The following KIF25 variants were observed in gnomAD, a reference collection of about 807,000 sequenced individuals.
KIF25 encodes kinesin family member 25.
Under a neutral mutation model 32.9 loss-of-function variants are expected in KIF25, and 19 were observed. The ratio of observed to expected loss-of-function variants is 0.58; its 90% CI spans 0.40 to 0.85. KIF25 has a LOEUF of 0.85. KIF25 is among the 40% of genes least tolerant of loss of function. KIF25 has a pLI of 0.00. For missense variants in KIF25, 485 were observed against 507.0 expected (o/e 0.96, Z 0.42); for synonymous variants, 225 against 213.7 (o/e 1.05, Z -0.46).
chr6:168,008,953 C>A (rs9346517), intron 4 of KIF25, among the ~76,000 whole-genome samples: 8 of 151,990 alleles, frequency 5.3e-5, no homozygotes, highest in Non-Finnish European at 1.0e-4. Flanking sequence ...CCGAAGTTGT[C>A]GATCAGTTCT....
In KIF25 at chr6:168,033,978, TG is replaced by T; in HGVS notation, c.265del (p.Asp89ThrfsTer6). On this transcript the variant is annotated frameshift_variant, in exon 8 of 13. Transcript: ENST00000643607. LOFTEE classifies it high-confidence loss of function. ...CGGACGACGGCCCTGTTCTGCCGCT[TG>T]ACCCACAGAGTGACTTAGGAATTAT... ...HSDDGPVLPLDPQSDLGIIPR... is the reference protein window; with the variant it reads ...HSDDGPVLPLXPQSDLGIIPR... The T allele has an allele frequency of 6.2e-7, 1 of 1,614,184 alleles. No homozygotes were observed. The highest frequency in any genetic ancestry group is 8.5e-7 in the Non-Finnish European group (1 of 1,180,038).
rs375150274 is a variant in KIF25, at chr6:167,999,269, G to C, written c.-421G>C. 1 of 152,252 alleles carries C rather than the reference G, an allele frequency of 6.6e-6. No homozygotes were observed. The highest frequency in any genetic ancestry group is 1.5e-5 in the Non-Finnish European group (1 of 68,064). 9.4% of individuals were successfully genotyped at this position (152,252 alleles called of 1,614,324 possible). On this transcript the variant is annotated 5_prime_UTR_variant, in exon 2 of 13. Transcript: ENST00000643607. ...AATATCAGAGTTCACTGTCGGATTC[G>C]TCCTTTGTTGCCTTTTGATAGTGAA...
intron 4 of KIF25, among the ~76,000 whole-genome samples, chr6:168,005,042 G>A (rs1212291868): frequency 6.6e-6 from 1 of 152,200 alleles, no homozygotes; most frequent in African/African-American, 2.4e-5. Context: ...ACAGTAGAAT[G>A]AGACGTGTCA....
chr6:168,042,201 T>C (rs1799134605), intron 11 of KIF25, 50 bp downstream of exon 11: 2 of 1,512,342 alleles, frequency 1.3e-6, no homozygotes, highest in Non-Finnish European at 1.8e-6. Context: ...CAGAAGCCTA[T>C]GATCTGATGG....
chr6:168,033,386 G>C (rs1052803280), intron 7 of KIF25, among the ~76,000 whole-genome samples: 1 of 151,854 alleles, frequency 6.6e-6, no homozygotes, highest in African/African-American at 2.4e-5. Flanking sequence ...TGTGATCCTA[G>C]CTACTTGGGA....
rs1263537038 is a variant in KIF25 at position 167,998,396 on chromosome 6, C to T, written c.-1073C>T. 4 of 152,138 alleles carry T rather than the reference C, an allele frequency of 2.6e-5. No individual in the cohort carries two copies. The highest frequency in any genetic ancestry group is 5.9e-5 in the Non-Finnish European group (4 of 68,030). 9.4% of individuals were successfully genotyped at this position (152,138 alleles called of 1,614,324 possible). On this transcript the variant is annotated 5_prime_UTR_variant, in exon 1 of 13. Coordinates refer to ENST00000643607, the MANE Select transcript of KIF25 (RefSeq NM_030615.4). ...CAGACGGAGGCTGTAAATCATTGGC[C>T]TATGACACCCACTTGGTTTTCAAAA...
At chr6:168,037,439 A>G (rs923877233) in intron 8 of KIF25, among the ~76,000 whole-genome samples, 1 of 152,174 alleles carries the variant, frequency 6.6e-6, no homozygotes, top group Non-Finnish European at 1.5e-5. Flanking sequence ...GAAAAGCACA[A>G]TGCTCACCAT....
chr6:168,037,645 TTCTCTCTCTC>T (rs35282663), intron 8 of KIF25, among the ~76,000 whole-genome samples: 1 of 146,758 alleles, frequency 6.8e-6, no homozygotes, highest in Non-Finnish European at 1.5e-5. Context: ...AAGGTTTTAT[TTCTCTCTCTC>T]TCTCTCTCTC....
At position 168,040,104 on chromosome 6, in the gene KIF25, T is replaced by C. The variant is rs1195816657; in HGVS notation, c.534T>C (p.His178=). The C allele has an allele frequency of 1.9e-6, 3 of 1,613,986 alleles. No homozygotes were observed. The highest frequency in any genetic ancestry group is 2.5e-6 in the Non-Finnish European group (3 of 1,179,958). The change falls in exon 10 of 13, where the codon CAT becomes CAC. Residue 178 remains histidine, a synonymous_variant. Transcript: ENST00000643607. ...CCTCGAAACTGATGGAGCTCGTTCA[T>C]GGAGGTCTGCAGCTCAGGGCGAAGC... The part of the protein sequence containing the change: ...GSASKLMELV[H]GGLQLRAKHP...
intron 5 of KIF25, among the ~76,000 whole-genome samples, chr6:168,023,496 G>C (rs994652322): frequency 1.3e-5 from 2 of 152,096 alleles, no homozygotes; most frequent in African/African-American, 4.8e-5. Flanking sequence ...TTGAACTCCT[G>C]ACCTCAAGTG....
At chr6:168,009,397 T>A (rs9346641) in intron 4 of KIF25, among the ~76,000 whole-genome samples, 34,746 of 152,064 alleles carry the variant, frequency 0.23, 4,369 homozygotes, top group East Asian at 0.3. Context: ...TATTTTGAAC[T>A]GTCCTCACAT....
At chr6:168,010,614 T>C (rs1293686199) in intron 4 of KIF25, among the ~76,000 whole-genome samples, 1 of 152,180 alleles carries the variant, frequency 6.6e-6, no homozygotes, top group Non-Finnish European at 1.5e-5. Context: ...GAGTGAAATG[T>C]TCTGTAAGTG....
At chr6:168,036,591 T>C (rs1799029300) in intron 8 of KIF25, among the ~76,000 whole-genome samples, 1 of 152,226 alleles carries the variant, frequency 6.6e-6, no homozygotes, top group African/African-American at 2.4e-5. Flanking sequence ...AATGATTACT[T>C]GTGGGAAATC....
chr6:168,000,339 C>A (rs1176722900), intron 2 of KIF25, among the ~76,000 whole-genome samples: 8 of 125,772 alleles, frequency 6.4e-5, no homozygotes, highest in Non-Finnish European at 1.2e-4. Flanking sequence ...CCATCCTGAC[C>A]ACACCTGGCC....
At chr6:168,021,033 G>A (rs547537349) in intron 5 of KIF25, among the ~76,000 whole-genome samples, 12 of 152,280 alleles carry the variant, frequency 7.9e-5, no homozygotes, top group African/African-American at 2.9e-4. Flanking sequence ...GAAACAACTT[G>A]GGAAAAGGAC....
chr6:168,035,744 C>T (rs1446985600), intron 8 of KIF25: 1 of 456,224 alleles, frequency 2.2e-6, no homozygotes, highest in East Asian at 7.0e-5. Context: ...CCCTCCAGGG[C>T]ACAGTGATTT....
chr6:168,040,649 C>G (rs1799106097), intron 10 of KIF25, among the ~76,000 whole-genome samples: 1 of 152,148 alleles, frequency 6.6e-6, no homozygotes, highest in Non-Finnish European at 1.5e-5. Flanking sequence ...ATGGGAACAG[C>G]AGCCACACCT....
intron 4 of KIF25, among the ~76,000 whole-genome samples, chr6:168,011,286 A>T (rs59144366): frequency 0.027 from 4,038 of 152,144 alleles, 55 homozygotes; most frequent in African/African-American, 0.031. Context: ...TGGCTATACA[A>T]GTGACTTTTA....
rs1798442734 is a variant in KIF25 at position 167,997,803 on chromosome 6, G to A, written c.-1666G>A. Among the ~76,000 whole-genome samples, 1 of 152,122 alleles carries A rather than the reference G, an allele frequency of 6.6e-6. No individual in the cohort carries two copies. Among genetic ancestry groups the A allele is most frequent in the Non-Finnish European group, 1.5e-5 (1 of 68,018 alleles). ...AGTGGGTGACCCTCGCTTCTGTGAG[G>A]TTTGATTTTGATGGTTGCACTTTGG... On this transcript the variant is annotated 5_prime_UTR_variant, in exon 1 of 13. Transcript: ENST00000643607.
Sources: gnomAD v4.1 joint callset for allele counts (sites outside exome capture counted in the v4.1 genomes callset) on GRCh38, gnomAD v4.1.1 for gene constraint, MANE v1.5 for transcripts, NCBI Gene and HGNC (gene_info 2026-07-23, HGNC 2026-07-21) for gene names.